The following DCTPP1 variants were observed in gnomAD, a reference collection of about 807,000 sequenced individuals.
The protein encoded by DCTPP1 is XTP3-transactivated gene A protein.
Under a neutral mutation model 8.8 loss-of-function variants are expected in DCTPP1, and 8 were observed. The ratio of observed to expected loss-of-function variants is 0.91; its 90% CI spans 0.54 to 1.64. DCTPP1 has a LOEUF of 1.64. DCTPP1 is among the 40% of genes most tolerant of loss of function. The pLI is 0.00. For synonymous variants in DCTPP1, 85 were observed against 92.1 expected (o/e 0.92, Z 0.44); for missense variants, 231 against 230.4 (o/e 1.00, Z -0.02).
chr16:30,424,768 A>G (rs1010087655), intron 2 of DCTPP1, among the ~76,000 whole-genome samples: 1 of 152,212 alleles, frequency 6.6e-6, no homozygotes, highest in Non-Finnish European at 1.5e-5. Flanking sequence ...TTGAGGCCCA[A>G]TTCTAATTCT....
rs771674751 is a variant in DCTPP1 at position 30,424,399 on chromosome 16, A to G, written c.347T>C (p.Leu116Pro). The G allele has an allele frequency of 4.3e-6, 7 of 1,614,050 alleles. No individual in the cohort carries two copies. The highest frequency in any genetic ancestry group is 4.2e-6 in the Non-Finnish European group (5 of 1,180,004). ...GATGTCCATTTTGGAGAGCACTGCTAGCGGCAGATCCACACGGCAGCGGGC... is the reference window on the plus strand; with the variant it reads ...GATGTCCATTTTGGAGAGCACTGCTGGCGGCAGATCCACACGGCAGCGGGC... ...LAARCRVDLP[L>P]AVLSKMDINR... The change falls in exon 3 of 3, where the codon CTA (leucine) becomes CCA (proline). Residue 116 changes from leucine (L) to proline (P), a missense_variant. Coordinates refer to ENST00000319285, the MANE Select transcript of DCTPP1 (RefSeq NM_024096.2).
In DCTPP1 at chr16:30,429,578, C is replaced by T. The variant is rs1243851055; in HGVS notation, c.101+302G>A. ...TCCCACCTCTCAGCACTTCGTTTGC[C>T]CCTCTCGTACCCCCGGCGCCTGGAG... is the stretch of plus-strand genomic sequence containing the variant. On this transcript the variant is annotated intron_variant, in intron 1 of 2. Transcript: ENST00000319285. The T allele has an allele frequency of 3.8e-5, 17 of 447,160 alleles. No homozygotes were observed. The Admixed American group carries it at 7.3e-4, about 19-fold the overall frequency. The allele number at this position is 447,160 out of a possible 1,614,324, so 27.7% of individuals were successfully genotyped here.
rs982749810 is a variant in DCTPP1, at chr16:30,429,903, G to A, written c.78C>T (p.Ser26=). ...ACATGTCCTCGAGCGTGGGCTCCGGGCTGAAGCTGAACCGGCCGGGAGCAG... is the reference window on the plus strand; with the variant it reads ...ACATGTCCTCGAGCGTGGGCTCCGGACTGAAGCTGAACCGGCCGGGAGCAG... The part of the protein sequence containing the change: ...DTAAPGRFSF[S]PEPTLEDIRR... The change falls in exon 1 of 3, where the codon AGC becomes AGT. Residue 26 remains serine, a synonymous_variant. Transcript: ENST00000319285. The A allele has an allele frequency of 5.0e-6, 8 of 1,595,964 alleles. No homozygotes were observed. Among genetic ancestry groups the A allele is most frequent in the Non-Finnish European group, 6.8e-6 (8 of 1,172,012 alleles).
At position 30,429,109 on chromosome 16, in the gene DCTPP1, G is replaced by A. The variant is rs747527404; in HGVS notation, c.160C>T (p.Arg54Trp). The A allele has an allele frequency of 1.2e-6, 2 of 1,613,890 alleles. No individual in the cohort carries two copies. The highest frequency in any genetic ancestry group is 1.7e-6 in the Non-Finnish European group (2 of 1,179,936). The change falls in exon 2 of 3, where the codon CGG becomes TGG. Residue 54 changes from arginine (R) to tryptophan (W), a missense_variant. Coordinates refer to ENST00000319285, the MANE Select transcript of DCTPP1 (RefSeq NM_024096.2). ...CCAACCAAGGCCAGGAGGAGATTCC[G>A]AGGCTGATGGAACTGTTCCCAGTCT... ...ERDWEQFHQPRNLLLALVGEV... is the reference protein window; with the variant it reads ...ERDWEQFHQPWNLLLALVGEV...
At chr16:30,424,999 G>A (rs887877163) in intron 2 of DCTPP1, among the ~76,000 whole-genome samples, 13 of 152,320 alleles carry the variant, frequency 8.5e-5, no homozygotes, top group African/African-American at 2.6e-4. Context: ...TCCTGCCTCC[G>A]TCTTCCGAGT....
Position 30,428,784 on chromosome 16 carries a change from A to T in DCTPP1, c.212+273T>A, listed in dbSNP as rs566407908. 3.4e-5 allele frequency: 14 copies of T among 417,658 alleles called. No individual in the cohort carries two copies. In the South Asian group the frequency reaches 9.9e-4, roughly 30 times the overall value. 25.9% of individuals were successfully genotyped at this position (417,658 alleles called of 1,614,324 possible). A position where few individuals can be genotyped will look rare whatever the true frequency, so the allele number is the denominator to read the frequency against. The stretch of plus-strand genomic sequence containing the variant: ...CCCGTCTCAAAAAAAAGCCAAAAAA[A>T]CAAAAAACAAAAGAAGGGAAAAGGG... On this transcript the variant is annotated intron_variant, in intron 2 of 2. Coordinates refer to ENST00000319285, the MANE Select transcript of DCTPP1 (RefSeq NM_024096.2).
At position 30,424,463 on chromosome 16, in the gene DCTPP1, C is replaced by G; in HGVS notation, c.283G>C (p.Glu95Gln). Reference sequence around the variant, plus strand: ...AGGTAGATGAGGACGTCACTAAGCTCCTCTTGAAGGGCTGCCCGTTCCCTG... The same window carrying G: ...AGGTAGATGAGGACGTCACTAAGCTGCTCTTGAAGGGCTGCCCGTTCCCTG... ...SPRERAALQE[E>Q]LSDVLIYLVA... Residue 95 changes from glutamate (E) to glutamine (Q), a missense_variant, in exon 3 of 3, where the codon GAG becomes CAG. Physicochemically the swap from Glu to Gln is conservative, Grantham distance 29 (BLOSUM62 2). Coordinates refer to ENST00000319285, the MANE Select transcript of DCTPP1 (RefSeq NM_024096.2). The G allele has an allele frequency of 6.2e-7, 1 of 1,614,198 alleles. No homozygotes were observed. The highest frequency in any genetic ancestry group is 8.5e-7 in the Non-Finnish European group (1 of 1,180,032).
At chr16:30,429,812 G>A (rs1894098189) in intron 1 of DCTPP1, 68 bp downstream of exon 1, 2 of 1,488,026 alleles carry the variant, frequency 1.3e-6, no homozygotes, top group Middle Eastern at 1.9e-4. Flanking sequence ...ACCACGTGGA[G>A]GAACCCTCCC....
rs1415722440 is a variant in DCTPP1 at position 30,430,000 on chromosome 16, C to T, written c.-20G>A. The T allele has an allele frequency of 2.0e-6, 3 of 1,472,566 alleles. No homozygotes were observed. The highest frequency in any genetic ancestry group is 1.5e-5 in the African/African-American group (1 of 68,882). 91.2% of individuals were successfully genotyped at this position (1,472,566 alleles called of 1,614,324 possible). A position where few individuals can be genotyped will look rare whatever the true frequency, so the allele number is the denominator to read the frequency against. On this transcript the variant is annotated 5_prime_UTR_variant, in exon 1 of 3. Coordinates refer to ENST00000319285, the MANE Select transcript of DCTPP1 (RefSeq NM_024096.2). ...AGACATGCCGCCCACCGCTGCACCG[C>T]GACTTCACGGAAAACCCACGAGCCA...
chr16:30,424,342 C>A lies in DCTPP1; in HGVS notation c.404G>T (p.Arg135Leu), dbSNP rs985136446. 4 of 1,614,212 alleles carry A rather than the reference C, an allele frequency of 2.5e-6. No individual in the cohort carries two copies. The South Asian group carries it at 3.3e-5, about 13-fold the overall frequency. The change falls in exon 3 of 3, where the codon CGC (arginine) becomes CTC (leucine). Residue 135 changes from arginine to leucine, a missense_variant. Arg to Leu is a moderately radical substitution (Grantham distance 102, BLOSUM62 -2). Transcript: ENST00000319285. Reference sequence around the variant, plus strand: ...TTCTGTATACTTGCGGGAAGAGCTGCGGGCCAGATGGGCTGGGTAGCGTCG... The same window carrying A: ...TTCTGTATACTTGCGGGAAGAGCTGAGGGCCAGATGGGCTGGGTAGCGTCG... ...NRRRYPAHLA[R>L]SSSRKYTELP...
Position 30,429,986 on chromosome 16 carries a change from C to CCACCGCTG in DCTPP1, c.-14_-7dup, listed in dbSNP as rs1210865120. The CCACCGCTG allele has an allele frequency of 6.5e-7, 1 of 1,538,082 alleles. No individual in the cohort carries two copies. Among genetic ancestry groups the CCACCGCTG allele is most frequent in the Non-Finnish European group, 8.7e-7 (1 of 1,143,540 alleles). On this transcript the variant is annotated 5_prime_UTR_variant, in exon 1 of 3. Transcript: ENST00000319285. ...TCCCCACCGGCCACAGACATGCCGC[C>CCACCGCTG]CACCGCTGCACCGCGACTTCACGGA... is the stretch of plus-strand genomic sequence containing the variant.
chr16:30,425,078 C>T (rs2050185514), intron 2 of DCTPP1, among the ~76,000 whole-genome samples: 1 of 152,214 alleles, frequency 6.6e-6, no homozygotes, highest in Admixed American at 6.5e-5. Context: ...CAGGGTTTTG[C>T]CATATTGGCC....
rs759289671 is a variant in DCTPP1 at position 30,429,842 on chromosome 16, G to A, written c.101+38C>T. ...CCTCCCCAAAACGCGGGAGAAAGGGGCGACTTCCCCACCCCGAGCTGGGCC... is the reference window on the plus strand; with the variant it reads ...CCTCCCCAAAACGCGGGAGAAAGGGACGACTTCCCCACCCCGAGCTGGGCC... On this transcript the variant is annotated intron_variant, in intron 1 of 2. Coordinates refer to ENST00000319285, the MANE Select transcript of DCTPP1 (RefSeq NM_024096.2). 5.7e-6 allele frequency: 9 copies of A among 1,569,622 alleles called. No homozygotes were observed. In the African/African-American group the frequency reaches 1.2e-4, roughly 22 times the overall value.
Position 30,424,078 on chromosome 16 carries a change from A to G in DCTPP1, c.*155T>C. 1.2e-6 allele frequency: 1 copy of G among 856,910 alleles called. No individual in the cohort carries two copies. The highest frequency in any genetic ancestry group is 1.8e-6 in the Non-Finnish European group (1 of 571,372). The allele number at this position is 856,910 out of a possible 1,614,324, so 53.1% of individuals were successfully genotyped here. A position where few individuals can be genotyped will look rare whatever the true frequency, so the allele number is the denominator to read the frequency against. On this transcript the variant is annotated 3_prime_UTR_variant, in exon 3 of 3. Coordinates refer to ENST00000319285, the MANE Select transcript of DCTPP1 (RefSeq NM_024096.2). ...TTTTACTGGGAGAACAAACACCAGG[A>G]GGCTACCTTCTAGAGGCTGCTGGGC... is the stretch of plus-strand genomic sequence containing the variant.
chr16:30,426,040 A>G (rs2050190570), intron 2 of DCTPP1, among the ~76,000 whole-genome samples: 1 of 151,976 alleles, frequency 6.6e-6, no homozygotes, highest in Admixed American at 6.6e-5. Flanking sequence ...CCAGACTGTC[A>G]CAGGCCTTTT....
chr16:30,429,988 A>C lies in DCTPP1; in HGVS notation c.-8T>G, dbSNP rs201625150. ...CCCACCGGCCACAGACATGCCGCCCACCGCTGCACCGCGACTTCACGGAAA... is the reference window on the plus strand; with the variant it reads ...CCCACCGGCCACAGACATGCCGCCCCCCGCTGCACCGCGACTTCACGGAAA... On this transcript the variant is annotated 5_prime_UTR_variant, in exon 1 of 3. Transcript: ENST00000319285. The C allele has an allele frequency of 7.1e-4, 1,066 of 1,497,442 alleles. 14 individuals carry two copies. The East Asian group carries it at 0.021, about 30-fold the overall frequency. 92.8% of individuals were successfully genotyped at this position (1,497,442 alleles called of 1,614,324 possible).
At position 30,424,159 on chromosome 16, in the gene DCTPP1, A is replaced by C. The variant is rs2050178635; in HGVS notation, c.*74T>G. Reference sequence around the variant, plus strand: ...CCATGATCTATTCTGAAAAGACTAGAAAAAGGCTCCAGGGCCAGGCCACTC... The same window carrying C: ...CCATGATCTATTCTGAAAAGACTAGCAAAAGGCTCCAGGGCCAGGCCACTC... On this transcript the variant is annotated 3_prime_UTR_variant, in exon 3 of 3. Transcript: ENST00000319285. The C allele has an allele frequency of 2.0e-6, 3 of 1,530,848 alleles. No individual in the cohort carries two copies. Among genetic ancestry groups the C allele is most frequent in the Admixed American group, 4.0e-5 (2 of 50,248 alleles). The allele number at this position is 1,530,848 out of a possible 1,614,324, so 94.8% of individuals were successfully genotyped here.
At chr16:30,429,830 C>A in intron 1 of DCTPP1, 50 bp downstream of exon 1, 2 of 1,553,974 alleles carry the variant, frequency 1.3e-6, no homozygotes, top group East Asian at 2.4e-5. Context: ...CCCCAAAACG[C>A]GGGAGAAAGG....
In DCTPP1 at chr16:30,429,160, G is replaced by A; in HGVS notation, c.109C>T (p.Leu37Phe). 1 of 1,614,114 alleles carries A rather than the reference G, an allele frequency of 6.2e-7. No homozygotes were observed. The highest frequency in any genetic ancestry group is 2.2e-5 in the East Asian group (1 of 44,882). Reference protein sequence around the residue: ...PEPTLEDIRRLHAEFAAERDW... With the variant: ...PEPTLEDIRRFHAEFAAERDW... ...CGTTCCGCAGCAAACTCAGCATGGA[G>A]GCGGCGGCTGAAATAGGACAAAGGA... The change falls in exon 2 of 3, where the codon CTC becomes TTC. Residue 37 changes from leucine (L) to phenylalanine (F), a missense_variant. By Grantham distance (22) the Leu-to-Phe change is conservative. Transcript: ENST00000319285.
Sources: allele counts gnomAD v4.1 joint callset (sites outside exome capture counted in the v4.1 genomes callset), GRCh38; gene constraint gnomAD v4.1.1; transcripts MANE v1.5; gene names NCBI Gene and HGNC (gene_info 2026-07-23, HGNC 2026-07-21).